Variants in COQ6 observed in about 807,000 individuals in gnomAD.
COQ6 encodes coenzyme Q6, monooxygenase, also known as ubiquinone biosynthesis monooxygenase COQ6, mitochondrial.
In COQ6, 45 loss-of-function variants were observed where a neutral mutation model predicts 55.5. The ratio of observed to expected loss-of-function variants is 0.81; its 90% CI spans 0.64 to 1.04. The LOEUF (loss-of-function observed/expected upper bound fraction) is 1.04, where lower values mean the gene tolerates loss of function less well. Among genes scored for constraint, COQ6 ranks in the 50% least tolerant of loss-of-function variants. The probability of loss-of-function intolerance (pLI) is 0.00; values close to 1 mark genes in which losing one functional copy is unlikely to be tolerated. For missense variants in COQ6, 550 were observed against 601.3 expected (o/e 0.91, Z 0.89); for synonymous variants, 206 against 230.5 (o/e 0.89, Z 0.96).
chr14:73,958,817 C>T (rs1317266705), intron 5 of COQ6, 154 bp from the exon 6 acceptor site: 24 of 1,528,406 alleles, frequency 1.6e-5, no homozygotes, highest in Non-Finnish European at 1.9e-5. Context: ...AGTGCAGGGG[C>T]TCCACCTCTA....
chr14:73,959,133 C>G, intron 6 of COQ6, 29 bp from the exon 7 acceptor site: 1 of 1,614,216 alleles, frequency 6.2e-7, no homozygotes, highest in Non-Finnish European at 8.5e-7. Context: ...AGGTACTTCA[C>G]AGAGAAACTT....
chr14:73,951,373 C>T (rs1181248051), intron 1 of COQ6, among the ~76,000 whole-genome samples: 1 of 82,314 alleles, frequency 1.2e-5, no homozygotes, highest in Non-Finnish European at 2.6e-5. Flanking sequence ...GTAGTCTTTT[C>T]ACTTTTTTTT....
rs1353156388 is a variant in COQ6 at position 73,955,929 on chromosome 14, G to T, written c.481+1G>T. On this transcript the variant is annotated splice_donor_variant, in intron 4 of 11. Transcript: ENST00000334571. LOFTEE classifies it high-confidence loss of function. Reference sequence around the variant, plus strand: ...ACTAAGCAGTTGGAGGCTGTGTCTGGTGAGGCCCCCATCTTCCACCTTGCA... The same window carrying T: ...ACTAAGCAGTTGGAGGCTGTGTCTGTTGAGGCCCCCATCTTCCACCTTGCA... 4.3e-6 allele frequency: 7 copies of T among 1,613,920 alleles called. No individual in the cohort carries two copies. The highest frequency in any genetic ancestry group is 1.3e-5 in the African/African-American group (1 of 74,910).
At chr14:73,951,560 T>C (rs888521366) in intron 1 of COQ6, among the ~76,000 whole-genome samples, 9 of 148,664 alleles carry the variant, frequency 6.1e-5, no homozygotes, top group Admixed American at 6.0e-4. Context: ...ACTCCTGATC[T>C]CGTGATCCAC....
chr14:73,950,214 A>C (rs536166498), upstream of COQ6: 56 of 1,542,158 alleles, frequency 3.6e-5, no homozygotes, highest in African/African-American at 6.3e-4. Context: ...TTCTCCGCGC[A>C]TTTTATTTCC....
intron 10 of COQ6, 43 bp from the exon 11 acceptor site, chr14:73,961,694 C>G (rs774935324): frequency 6.2e-6 from 10 of 1,612,700 alleles, no homozygotes; most frequent in Non-Finnish European, 7.6e-6. Context: ...GGAAGAAAAC[C>G]TTATTATTGG....
intron 1 of COQ6, among the ~76,000 whole-genome samples, chr14:73,952,353 G>C (rs906986234): frequency 6.6e-6 from 1 of 151,638 alleles, no homozygotes; most frequent in Admixed American, 6.6e-5. Context: ...GAACTCCTGA[G>C]CTCAACTGAT....
At chr14:73,958,299 G>C in intron 5 of COQ6, 22 bp downstream of exon 5, 2 of 1,613,628 alleles carry the variant, frequency 1.2e-6, no homozygotes, top group Non-Finnish European at 1.7e-6. Flanking sequence ...TTCTTATTTT[G>C]CTAGGGGTCT....
At chr14:73,949,940 C>G, upstream of COQ6, 1 of 1,611,530 alleles carries the variant, frequency 6.2e-7, no homozygotes. Flanking sequence ...TCCGGGATTC[C>G]TTTCCCGGGG....
rs2056292525 is a variant in COQ6 at position 73,953,759 on chromosome 14, A to G, written c.298+190A>G. 4 of 690,350 alleles carry G rather than the reference A, an allele frequency of 5.8e-6. 1 individual carries two copies. In the South Asian group the frequency reaches 6.6e-5, roughly 11 times the overall value. The allele number at this position is 690,350 out of a possible 1,614,324, so 42.8% of individuals were successfully genotyped here. A position where few individuals can be genotyped will look rare whatever the true frequency, so the allele number is the denominator to read the frequency against. On this transcript the variant is annotated intron_variant, in intron 2 of 11. Coordinates refer to ENST00000334571, the MANE Select transcript of COQ6 (RefSeq NM_182476.3). The stretch of plus-strand genomic sequence containing the variant: ...GACCCCTGCAGTTGCTACTGCCTCA[A>G]CTCCCTGTCTGAGGAATGCATCCTT...
chr14:73,959,130 TC>T, intron 6 of COQ6, 31 bp from the exon 7 acceptor site: 1 of 1,614,152 alleles, frequency 6.2e-7, no homozygotes, highest in Non-Finnish European at 8.5e-7. Context: ...ACTAGGTACT[TC>T]ACAGAGAAAC....
rs765632884 is a variant in COQ6, at chr14:73,950,308, G to A, written c.-25G>A. On this transcript the variant is annotated 5_prime_UTR_variant, in exon 1 of 12. Transcript: ENST00000334571. ...ACGTAGGTGGGCCTGCGGGAGTTCT[G>A]AGTGCGACGGCGCAGGTCTGCACCA... 6.5e-7 allele frequency: 1 copy of A among 1,544,528 alleles called. No individual in the cohort carries two copies. The highest frequency in any genetic ancestry group is 8.7e-7 in the Non-Finnish European group (1 of 1,148,554).
chr14:73,950,808 A>G (rs1424697186), intron 1 of COQ6, among the ~76,000 whole-genome samples: 1 of 152,182 alleles, frequency 6.6e-6, no homozygotes, highest in Non-Finnish European at 1.5e-5. Flanking sequence ...CTTTTTGTTT[A>G]TAGACATTCT....
Position 73,950,467 on chromosome 14 carries a change from G to C in COQ6, c.135G>C (p.Leu45=). 1 of 1,609,452 alleles carries C rather than the reference G, an allele frequency of 6.2e-7. No individual in the cohort carries two copies. Reference sequence around the variant, plus strand: ...ACGTGGTGGTGTCGGGTGGAGGCCTGGTGGGCGCTGCCATGGCCTGTGCCT... The same window carrying C: ...ACGTGGTGGTGTCGGGTGGAGGCCTCGTGGGCGCTGCCATGGCCTGTGCCT... ...VYDVVVSGGG[L]VGAAMACALG... is the part of the protein sequence containing the mutation. The change falls in exon 1 of 12, where the codon CTG becomes CTC. Residue 45 remains leucine, a synonymous_variant. Transcript: ENST00000334571.
Position 73,959,423 on chromosome 14 carries a change from C to T in COQ6, c.792C>T (p.Asp264=). 6.2e-7 allele frequency: 1 copy of T among 1,614,204 alleles called. No individual in the cohort carries two copies. Among genetic ancestry groups the T allele is most frequent in the Non-Finnish European group, 8.5e-7 (1 of 1,180,038 alleles). ...GTGTTCTTTTGACACAGCTCTCAGACACCTTGAGTTCCTTGGTTTGGTCCA... is the reference window on the plus strand; with the variant it reads ...GTGTTCTTTTGACACAGCTCTCAGATACCTTGAGTTCCTTGGTTTGGTCCA... ...SGPIALLPLS[D]TLSSLVWSTS... Residue 264 remains aspartate, a synonymous_variant, in exon 8 of 12, where the codon GAC becomes GAT. Transcript: ENST00000334571.
intron 8 of COQ6, chr14:73,960,956 G>A (rs2056693259): frequency 1.6e-6 from 1 of 643,978 alleles, no homozygotes; most frequent in African/African-American, 1.8e-5. Context: ...AAGTAGGCAG[G>A]GGCCAGCTCA....
chr14:73,958,431 G>C (rs1234637717), intron 5 of COQ6, 154 bp downstream of exon 5: 43 of 1,505,066 alleles, frequency 2.9e-5, no homozygotes, highest in Non-Finnish European at 3.8e-5. Context: ...CTCAAGTGGA[G>C]ATGGTCTCAT....
chr14:73,956,866 A>G (rs1391505767), intron 4 of COQ6: 1 of 152,168 alleles, frequency 6.6e-6, no homozygotes, highest in Admixed American at 6.5e-5. Flanking sequence ...ACCATGATGT[A>G]GCTTTTAAAG....
At position 73,958,354 on chromosome 14, in the gene COQ6, G is replaced by A. The variant is rs775709668; in HGVS notation, c.612+77G>A. ...CTAGATTCTAGGGACTCTGGTTTTC[G>A]ATTTAAGCTATAGTTTAATTTTAGG... On this transcript the variant is annotated intron_variant, in intron 5 of 11. Transcript: ENST00000334571. The A allele has an allele frequency of 3.7e-6, 6 of 1,604,192 alleles. No individual in the cohort carries two copies. The Admixed American group carries it at 8.4e-5, about 22-fold the overall frequency.
Sources: gnomAD v4.1 joint callset for allele counts (sites outside exome capture counted in the v4.1 genomes callset) on GRCh38, gnomAD v4.1.1 for gene constraint, MANE v1.5 for transcripts, NCBI Gene and HGNC (gene_info 2026-07-23, HGNC 2026-07-21) for gene names.